The following VPS13A variants were observed in gnomAD, a reference collection of about 807,000 sequenced individuals.
VPS13A encodes the protein intermembrane lipid transfer protein VPS13A.
In VPS13A, 264 loss-of-function variants were observed where a neutral mutation model predicts 390.9. The observed-to-expected ratio is 0.68, with a 90% CI of 0.61 to 0.75. The LOEUF (loss-of-function observed/expected upper bound fraction) is 0.75. Ranked by LOEUF, VPS13A falls within the 30% of genes least tolerant of loss-of-function variation. VPS13A has a pLI of 0.00. For missense variants in VPS13A, 3,409 were observed against 3,733.9 expected (o/e 0.91, Z 2.27); for synonymous variants, 1,231 against 1,227.1 (o/e 1.00, Z -0.07).
At chr9:77,258,939 T>G (rs942454994) in intron 22 of VPS13A, among the ~76,000 whole-genome samples, 4 of 152,156 alleles carry the variant, frequency 2.6e-5, no homozygotes, top group African/African-American at 7.2e-5. Context: ...TATCTTGGTT[T>G]GGACTTGCTC....
intron 1 of VPS13A, among the ~76,000 whole-genome samples, chr9:77,194,539 G>A (rs577547319): frequency 2.0e-5 from 3 of 152,114 alleles, no homozygotes; most frequent in Admixed American, 6.5e-5. Flanking sequence ...TCTGGGCTCC[G>A]TGCAGACTGG....
At chr9:77,332,372 G>A (rs1405422098) in intron 46 of VPS13A, among the ~76,000 whole-genome samples, 1 of 151,784 alleles carries the variant, frequency 6.6e-6, no homozygotes, top group East Asian at 1.9e-4. Flanking sequence ...ATAGTCATAT[G>A]ATTATGAGTT....
chr9:77,210,819 G>A, intron 7 of VPS13A, 144 bp downstream of exon 7: 12 of 779,448 alleles, frequency 1.5e-5, no homozygotes, highest in South Asian at 7.9e-5. Context: ...TGGAATCGAG[G>A]GTATGTAGAT....
chr9:77,267,010 A>C (rs1352130974), intron 23 of VPS13A, among the ~76,000 whole-genome samples: 1 of 151,830 alleles, frequency 6.6e-6, no homozygotes, highest in Non-Finnish European at 1.5e-5. Flanking sequence ...TTCCCACTCC[A>C]TCAGGTCATT....
intron 50 of VPS13A, among the ~76,000 whole-genome samples, chr9:77,342,711 T>C (rs1293480758): frequency 2.0e-5 from 3 of 152,200 alleles, no homozygotes; most frequent in Non-Finnish European, 4.4e-5. Flanking sequence ...ATCATATATA[T>C]GCAAATATTC....
chr9:77,381,749 A>G (rs138039678), intron 67 of VPS13A, among the ~76,000 whole-genome samples: 1 of 152,188 alleles, frequency 6.6e-6, no homozygotes. Context: ...ACAATTGCTA[A>G]TATTGTGATT....
intron 6 of VPS13A, among the ~76,000 whole-genome samples, chr9:77,210,245 C>T (rs1590002696): frequency 6.9e-6 from 1 of 144,128 alleles, no homozygotes; most frequent in Admixed American, 7.0e-5. Flanking sequence ...CTTGCCTCCC[C>T]TTCCCAAGAC....
intron 19 of VPS13A, among the ~76,000 whole-genome samples, chr9:77,245,557 C>T (rs1009153069): frequency 6.6e-6 from 1 of 152,152 alleles, no homozygotes; most frequent in Non-Finnish European, 1.5e-5. Flanking sequence ...TGTTTTCAAA[C>T]CTCTATCTCA....
chr9:77,202,096 G>C (rs761923267), intron 3 of VPS13A, among the ~76,000 whole-genome samples: 26 of 152,174 alleles, frequency 1.7e-4, no homozygotes, highest in Admixed American at 6.5e-4. Flanking sequence ...TGTTATTGAA[G>C]CTATACTGTT....
intron 70 of VPS13A, among the ~76,000 whole-genome samples, chr9:77,406,975 GC>G (rs1333884028): frequency 1.3e-5 from 2 of 152,072 alleles, no homozygotes; most frequent in African/African-American, 4.8e-5. Context: ...TACCAACGGA[GC>G]ATAAATAGTG....
At chr9:77,331,158 T>C (rs1456166460) in intron 45 of VPS13A, among the ~76,000 whole-genome samples, 1 of 152,088 alleles carries the variant, frequency 6.6e-6, no homozygotes, top group African/African-American at 2.4e-5. Flanking sequence ...GAAAGTGGTG[T>C]GGTGAACATC....
intron 17 of VPS13A, among the ~76,000 whole-genome samples, chr9:77,233,406 C>T (rs1270151482): frequency 6.6e-6 from 1 of 151,582 alleles, no homozygotes; most frequent in Non-Finnish European, 1.5e-5. Context: ...TTTCATTTGT[C>T]TCCACTCTGA....
intron 68 of VPS13A, among the ~76,000 whole-genome samples, chr9:77,399,540 C>T (rs75171703): frequency 3.2e-4 from 48 of 148,818 alleles, no homozygotes; most frequent in African/African-American, 1.2e-3. Flanking sequence ...TGGAAGGTTA[C>T]GATCTATTAA....
chr9:77,330,542 G>A (rs540853052), intron 45 of VPS13A, among the ~76,000 whole-genome samples: 1 of 152,242 alleles, frequency 6.6e-6, no homozygotes, highest in East Asian at 1.9e-4. Flanking sequence ...CCATTTAGAA[G>A]CATGTGTTTC....
At chr9:77,269,951 A>G (rs1265909969) in intron 23 of VPS13A, among the ~76,000 whole-genome samples, 1 of 152,212 alleles carries the variant, frequency 6.6e-6, no homozygotes, top group African/African-American at 2.4e-5. Flanking sequence ...CCAGAGATGC[A>G]TGCACACTGA....
rs115686816 is a variant in VPS13A, at chr9:77,406,392, G to A, written c.9399+405G>A. 5.4e-3 allele frequency among the ~76,000 whole-genome samples: 817 copies of A among 151,822 alleles called. 8 individuals carry two copies. Among genetic ancestry groups the A allele is most frequent in the Middle Eastern group, 0.014 (4 of 294 alleles). On this transcript the variant is annotated intron_variant, in intron 70 of 71. Transcript: ENST00000360280. ...ATTTCTTCCCCTTCCCCCTTTTCAT[G>A]AGACCTTATATCTACAATTCTGCAA...
At chr9:77,294,231 C>T (rs140731535) in intron 32 of VPS13A, among the ~76,000 whole-genome samples, 3 of 152,218 alleles carry the variant, frequency 2.0e-5, no homozygotes, top group South Asian at 2.1e-4. Context: ...ATCATATTTT[C>T]GATTGCATTG....
intron 1 of VPS13A, among the ~76,000 whole-genome samples, chr9:77,180,271 A>G (rs114670765): frequency 0.02 from 3,045 of 152,318 alleles, 68 homozygotes; most frequent in African/African-American, 0.055. Context: ...GACTTTGTGT[A>G]ACCTTTTGAG....
chr9:77,314,015 G>A lies in VPS13A; in HGVS notation c.4138G>A (p.Val1380Met). 1.9e-6 allele frequency: 3 copies of A among 1,613,258 alleles called. No homozygotes were observed. The highest frequency in any genetic ancestry group is 1.1e-5 in the South Asian group (1 of 91,004). The change falls in exon 36 of 72, where the codon GTG becomes ATG. Residue 1380 changes from valine to methionine, a missense_variant. Around this residue, in one of 5 missense-constraint regions of VPS13A, gnomAD observed 2,717 missense variants for 2,917.4 expected, o/e 0.93. Transcript: ENST00000360280. ...SGGATVVTAA[V>M]VEVHSRALLV... ...AGGAGCAACTGTGGTGACAGCTGCT[G>A]TGGTAGAAGTACATTCACGTGCCTT... is the stretch of plus-strand genomic sequence containing the variant.
Sources: allele counts gnomAD v4.1 joint callset (sites outside exome capture counted in the v4.1 genomes callset), GRCh38; gene constraint gnomAD v4.1.1; regional missense constraint gnomAD v4.1.1; transcripts MANE v1.5; gene names NCBI Gene and HGNC (gene_info 2026-07-23, HGNC 2026-07-21).